KCNG2: variants seen among roughly 807,000 people sequenced by gnomAD.
The protein encoded by KCNG2 is voltage-gated potassium channel regulatory subunit KCNG2.
A neutral mutation model predicts 12.3 loss-of-function variants in KCNG2; 7 were observed. The observed-to-expected ratio is 0.57, with a 90% CI of 0.32 to 1.07. The LOEUF (loss-of-function observed/expected upper bound fraction) is 1.07. Among genes scored for constraint, KCNG2 ranks in the 50% least tolerant of loss-of-function variants. The pLI is 0.04. For missense variants in KCNG2, 703 were observed against 726.0 expected, an observed-to-expected ratio of 0.97 and a Z score of 0.36; for synonymous variants, 414 against 351.4, an observed-to-expected ratio of 1.18 and a Z score of -1.99.
intron 1 of KCNG2, among the ~76,000 whole-genome samples, chr18:79,830,681 A>C (rs535827365): frequency 7.3e-6 from 1 of 136,658 alleles, no homozygotes; most frequent in Non-Finnish European, 1.7e-5. Flanking sequence ...CTTTGTCAGG[A>C]GGGTTCCCTG....
chr18:79,837,079 C>A (rs769222970), intron 1 of KCNG2, among the ~76,000 whole-genome samples: 6 of 152,226 alleles, frequency 3.9e-5, no homozygotes, highest in Non-Finnish European at 8.8e-5. Context: ...AAGTTAGATA[C>A]TTCCAAGATA....
intron 3 of KCNG2, among the ~76,000 whole-genome samples, chr18:79,864,593 C>T (rs1203026389): frequency 1.9e-4 from 29 of 152,246 alleles, no homozygotes; most frequent in Admixed American, 1.8e-3. Context: ...CTGCTCAGCC[C>T]ATCAGGCCTT....
At chr18:79,840,739 A>G (rs948238524) in intron 1 of KCNG2, among the ~76,000 whole-genome samples, 1 of 152,248 alleles carries the variant, frequency 6.6e-6, no homozygotes, top group African/African-American at 2.4e-5. Flanking sequence ...GTGGAGGGAT[A>G]TGTACATAGA....
At chr18:79,838,855 C>T (rs1465432280) in intron 1 of KCNG2, among the ~76,000 whole-genome samples, 2 of 152,242 alleles carry the variant, frequency 1.3e-5, no homozygotes, top group African/African-American at 4.8e-5. Flanking sequence ...AATGTACAAT[C>T]TCAGGTCCCA....
chr18:79,887,543 G>A (rs879935976), intron 3 of KCNG2, among the ~76,000 whole-genome samples: 3 of 152,130 alleles, frequency 2.0e-5, no homozygotes, highest in Non-Finnish European at 4.4e-5. Flanking sequence ...GGCACCTCCT[G>A]AGCTGAGAAC....
intron 1 of KCNG2, among the ~76,000 whole-genome samples, chr18:79,830,973 G>T (rs1481414654): frequency 6.8e-3 from 37 of 5,458 alleles, no homozygotes; most frequent in Admixed American, 0.013. Context: ...GTTCCCTGCG[G>T]ACAGAGCCTT....
At position 79,801,524 on chromosome 18, in the gene KCNG2, C is replaced by T. The variant is rs117620811; in HGVS notation, c.-115+3510C>T. Reference sequence around the variant, plus strand: ...GCACATGCTGGGCCCGGGAGCCCTCCGAGGCAGTTCCCAGAGTTTAATGGC... The same window carrying T: ...GCACATGCTGGGCCCGGGAGCCCTCTGAGGCAGTTCCCAGAGTTTAATGGC... On this transcript the variant is annotated intron_variant, in intron 1 of 3. Coordinates refer to ENST00000316249, the MANE Select transcript of KCNG2 (RefSeq NM_012283.2). Among the ~76,000 whole-genome samples, 3 of 152,356 alleles carry T rather than the reference C, an allele frequency of 2.0e-5. No homozygotes were observed. In the East Asian group the frequency reaches 5.8e-4, roughly 29 times the overall value.
At chr18:79,863,582 C>G in intron 2 of KCNG2, 46 bp from the exon 3 acceptor site, 1 of 1,144,072 alleles carries the variant, frequency 8.7e-7, no homozygotes. Context: ...GACGCGCTCC[C>G]CCAGCTCAGC....
At chr18:79,876,582 C>T (rs1188358771) in intron 3 of KCNG2, among the ~76,000 whole-genome samples, 1 of 152,368 alleles carries the variant, frequency 6.6e-6, no homozygotes, top group Non-Finnish European at 1.5e-5. Flanking sequence ...CCCTCTTCTG[C>T]ATCCACAGGC....
intron 1 of KCNG2, among the ~76,000 whole-genome samples, chr18:79,842,109 C>T (rs542314403): frequency 2.0e-5 from 3 of 152,286 alleles, no homozygotes; most frequent in East Asian, 1.9e-4. Context: ...GGCAAGTCCT[C>T]GCAGCCACAT....
At position 79,899,418 on chromosome 18, in the gene KCNG2, C is replaced by T. The variant is rs1981115961; in HGVS notation, c.1003C>T (p.Leu335Phe). 3.8e-6 allele frequency: 6 copies of T among 1,587,654 alleles called. No individual in the cohort carries two copies. The highest frequency in any genetic ancestry group is 2.7e-5 in the African/African-American group (2 of 73,390). ...LLLFLCVAMALFAPLVHLAER... is the reference protein window; with the variant it reads ...LLLFLCVAMAFFAPLVHLAER... ...GCTGTTCCTCTGCGTGGCCATGGCG[C>T]TCTTCGCGCCACTGGTGCACCTGGC... is the stretch of plus-strand genomic sequence containing the variant. Residue 335 changes from leucine (L) to phenylalanine (F), a missense_variant, in exon 4 of 4, where the codon CTC becomes TTC. Coordinates refer to ENST00000316249, the MANE Select transcript of KCNG2 (RefSeq NM_012283.2).
chr18:79,818,654 C>T (rs1161681922), intron 1 of KCNG2, among the ~76,000 whole-genome samples: 1 of 152,204 alleles, frequency 6.6e-6, no homozygotes, highest in Non-Finnish European at 1.5e-5. Context: ...ACTGCTCGTT[C>T]AAGGGCTGGG....
At chr18:79,890,078 C>T (rs866084476) in intron 3 of KCNG2, among the ~76,000 whole-genome samples, 6 of 152,112 alleles carry the variant, frequency 3.9e-5, no homozygotes, top group South Asian at 2.1e-4. Flanking sequence ...CCCACTCAGT[C>T]CTGATGTCTA....
chr18:79,862,491 CTG>C (rs1159674496), intron 2 of KCNG2, among the ~76,000 whole-genome samples: 1 of 152,212 alleles, frequency 6.6e-6, no homozygotes, highest in East Asian at 1.9e-4. Flanking sequence ...GGTCAAGCCT[CTG>C]TCTTATCACC....
chr18:79,806,726 T>C (rs1006911713), intron 1 of KCNG2, among the ~76,000 whole-genome samples: 1 of 152,334 alleles, frequency 6.6e-6, no homozygotes, highest in Non-Finnish European at 1.5e-5. Context: ...TCTCTCCTTT[T>C]TAGTGCATGA....
chr18:79,829,570 C>T (rs1036287694), intron 1 of KCNG2, among the ~76,000 whole-genome samples: 1 of 152,094 alleles, frequency 6.6e-6, no homozygotes, highest in African/African-American at 2.4e-5. Context: ...TCCGTCTCTG[C>T]CTCCCTATGG....
intron 1 of KCNG2, among the ~76,000 whole-genome samples, chr18:79,848,329 C>T (rs116320976): frequency 3.4e-4 from 52 of 152,356 alleles, no homozygotes; most frequent in African/African-American, 1.3e-3. Flanking sequence ...ATTCTCTCAA[C>T]CCCGGGAGTC....
intron 1 of KCNG2, among the ~76,000 whole-genome samples, chr18:79,804,344 G>A (rs1304799918): frequency 2.0e-5 from 3 of 152,236 alleles, no homozygotes; most frequent in East Asian, 3.8e-4. Flanking sequence ...TGCACACGGT[G>A]TGCTGAGCTC....
intron 1 of KCNG2, among the ~76,000 whole-genome samples, chr18:79,804,363 C>T (rs1441136401): frequency 2.0e-5 from 3 of 152,214 alleles, no homozygotes; most frequent in African/African-American, 4.8e-5. Flanking sequence ...TCCTGCCGGC[C>T]GGTGCTGCAC....
Sources: allele counts gnomAD v4.1 joint callset (sites outside exome capture counted in the v4.1 genomes callset), GRCh38; gene constraint gnomAD v4.1.1; transcripts MANE v1.5; gene names NCBI Gene and HGNC (gene_info 2026-07-23, HGNC 2026-07-21).